The following EYA2 variants were observed in gnomAD, a reference collection of about 807,000 sequenced individuals.
The protein encoded by EYA2 is EYA transcriptional coactivator and phosphatase 2, also known as protein phosphatase EYA2.
In EYA2, 31 loss-of-function variants were observed where a neutral mutation model predicts 69.2. The observed-to-expected ratio is 0.45, with a 90% confidence interval of 0.34 to 0.60. The LOEUF is 0.60. EYA2 is among the 20% of genes least tolerant of loss of function. The pLI, the probability that EYA2 is intolerant of heterozygous loss-of-function variation, is 0.02. For synonymous variants in EYA2, 257 were observed against 279.4 expected, an observed-to-expected ratio of 0.92 and a Z score of 0.80; for missense variants, 622 against 701.2, an observed-to-expected ratio of 0.89 and a Z score of 1.28.
chr20:47,129,885 T>C (rs1450325768), intron 9 of EYA2, among the ~76,000 whole-genome samples: 3 of 152,150 alleles, frequency 2.0e-5, no homozygotes, highest in Admixed American at 2.0e-4. Flanking sequence ...TGGGGAACTA[T>C]CTCTTAATCC....
In EYA2 at chr20:47,005,005, G is replaced by A. The variant is rs1400870180; in HGVS notation, c.219G>A (p.Gln73=). ...STAMAAYGQT[Q]YSAGIQQATP... ...CCATGGCAGCCTACGGCCAGACGCA[G>A]TACAGTGCGGGGATCCAGCAGGCTA... The change falls in exon 4 of 16, where the codon CAG becomes CAA. Residue 73 remains glutamine, a synonymous_variant. Transcript: ENST00000327619. 1 of 1,614,078 alleles carries A rather than the reference G, an allele frequency of 6.2e-7. No homozygotes were observed.
chr20:46,954,252 C>A (rs1460495368), intron 1 of EYA2, among the ~76,000 whole-genome samples: 1 of 152,172 alleles, frequency 6.6e-6, no homozygotes, highest in African/African-American at 2.4e-5. Context: ...AGAGCATCAT[C>A]TCCAGGGGGA....
intron 1 of EYA2, among the ~76,000 whole-genome samples, chr20:46,954,147 G>GGTCT (rs1178685963): frequency 6.6e-6 from 1 of 151,942 alleles, no homozygotes; most frequent in African/African-American, 2.4e-5. Context: ...CCACTTCAGG[G>GGTCT]GTCTGCTCAA....
At chr20:46,902,490 A>C (rs1293305564) in intron 1 of EYA2, among the ~76,000 whole-genome samples, 1 of 152,230 alleles carries the variant, frequency 6.6e-6, no homozygotes, top group Non-Finnish European at 1.5e-5. Flanking sequence ...GTCCAGGATC[A>C]CATGGCTTAT....
intron 1 of EYA2, among the ~76,000 whole-genome samples, chr20:46,983,188 C>G (rs1980952567): frequency 6.6e-6 from 1 of 152,146 alleles, no homozygotes; most frequent in South Asian, 2.1e-4. Flanking sequence ...ACTTCAATAG[C>G]AGAATCTCGT....
chr20:47,104,183 A>T (rs1486860516), intron 9 of EYA2, among the ~76,000 whole-genome samples: 1 of 152,194 alleles, frequency 6.6e-6, no homozygotes, highest in Non-Finnish European at 1.5e-5. Context: ...TTTCCCTAAT[A>T]ATGTTGACAA....
At chr20:47,069,798 A>G (rs2031245035) in intron 5 of EYA2, among the ~76,000 whole-genome samples, 2 of 152,268 alleles carry the variant, frequency 1.3e-5, no homozygotes, top group African/African-American at 4.8e-5. Context: ...GACTTTTTAT[A>G]GTGGTCCTGG....
chr20:46,974,339 G>T (rs1009817985), intron 1 of EYA2, among the ~76,000 whole-genome samples: 1 of 152,130 alleles, frequency 6.6e-6, no homozygotes, highest in Non-Finnish European at 1.5e-5. Flanking sequence ...TTTCTCTCCT[G>T]CCTGTTTCTC....
chr20:47,175,176 A>G (rs1458138164), intron 12 of EYA2, among the ~76,000 whole-genome samples: 1 of 152,226 alleles, frequency 6.6e-6, no homozygotes, highest in Non-Finnish European at 1.5e-5. Flanking sequence ...TCCCCAACCC[A>G]GCTGTTCCTG....
intron 8 of EYA2, among the ~76,000 whole-genome samples, chr20:47,094,041 A>C (rs555128014): frequency 4.3e-4 from 65 of 152,346 alleles, no homozygotes; most frequent in African/African-American, 1.5e-3. Flanking sequence ...CCCATGGTTA[A>C]GGACGCACCC....
chr20:47,029,555 C>T (rs1984286139), intron 5 of EYA2, among the ~76,000 whole-genome samples: 1 of 152,108 alleles, frequency 6.6e-6, no homozygotes, highest in South Asian at 2.1e-4. Flanking sequence ...CTCCTTTTAC[C>T]CCTTCCTCTA....
intron 9 of EYA2, among the ~76,000 whole-genome samples, chr20:47,128,452 T>C (rs900948955): frequency 2.6e-5 from 4 of 152,224 alleles, no homozygotes; most frequent in Admixed American, 2.6e-4. Context: ...CTCCTCACTT[T>C]GGAAGTGTAA....
chr20:47,048,139 G>A (rs910421978), intron 5 of EYA2, among the ~76,000 whole-genome samples: 2 of 152,172 alleles, frequency 1.3e-5, no homozygotes, highest in Admixed American at 6.5e-5. Flanking sequence ...ACATGAACAC[G>A]TTTGAAGAAC....
intron 9 of EYA2, among the ~76,000 whole-genome samples, chr20:47,104,198 C>T (rs2032510194): frequency 6.6e-6 from 1 of 152,152 alleles, no homozygotes; most frequent in Non-Finnish European, 1.5e-5. Context: ...TGACAAGTGA[C>T]TAGTGATGTT....
In EYA2 at chr20:47,049,396, G is replaced by A. The variant is rs1191720333; in HGVS notation, c.416-22789G>A. 2.6e-5 allele frequency among the ~76,000 whole-genome samples: 4 copies of A among 152,332 alleles called. No homozygotes were observed. The South Asian group carries it at 8.3e-4, about 32-fold the overall frequency. ...AGGGTCCCTGATATGGTTTGGGTGT[G>A]TGTCCTCTCCACATTGTTGGAGGTG... On this transcript the variant is annotated intron_variant, in intron 5 of 15. Transcript: ENST00000327619.
At chr20:47,022,802 C>T (rs570867089) in intron 5 of EYA2, among the ~76,000 whole-genome samples, 16 of 151,576 alleles carry the variant, frequency 1.1e-4, no homozygotes, top group Admixed American at 9.9e-4. Flanking sequence ...TAGCAGGTGC[C>T]TGCCACCATG....
At chr20:47,166,577 TCTC>T (rs1490531825) in intron 10 of EYA2, among the ~76,000 whole-genome samples, 2 of 151,934 alleles carry the variant, frequency 1.3e-5, no homozygotes, top group Non-Finnish European at 1.5e-5. Context: ...CCCACGTGCT[TCTC>T]CTCCTCCAGC....
intron 9 of EYA2, among the ~76,000 whole-genome samples, chr20:47,133,714 C>T (rs1200694994): frequency 6.6e-6 from 1 of 152,178 alleles, no homozygotes; most frequent in African/African-American, 2.4e-5. Context: ...TTCCGGGAGT[C>T]CTCTCCCAGG....
At chr20:47,162,360 T>C (rs16992383) in intron 10 of EYA2, among the ~76,000 whole-genome samples, 2,815 of 152,202 alleles carry the variant, frequency 0.018, 98 homozygotes, top group African/African-American at 0.064. Context: ...TAGAAAGTGC[T>C]GGCCATAGTC....
Sources: allele counts gnomAD v4.1 joint callset (sites outside exome capture counted in the v4.1 genomes callset), GRCh38; gene constraint gnomAD v4.1.1; transcripts MANE v1.5; gene names NCBI Gene and HGNC (gene_info 2026-07-23, HGNC 2026-07-21).